TNS3: variants seen among roughly 807,000 people sequenced by gnomAD.
TNS3 encodes tensin-3.
A neutral mutation model predicts 140.9 loss-of-function variants in TNS3; 45 were observed. The ratio of observed to expected loss-of-function variants is 0.32; its 90% CI spans 0.25 to 0.41. The LOEUF is 0.41. Among genes scored for constraint, TNS3 ranks in the 10% least tolerant of loss-of-function variants. The pLI is 1.00. For missense variants in TNS3, 1,716 were observed against 1,906.7 expected (o/e 0.90, Z 1.86); for synonymous variants, 815 against 788.4 (o/e 1.03, Z -0.56).
intron 1 of TNS3, among the ~76,000 whole-genome samples, chr7:47,567,990 T>C (rs938202636): frequency 2.0e-5 from 3 of 152,110 alleles, no homozygotes; most frequent in African/African-American, 7.2e-5. Context: ...TCCAGCCCAA[T>C]GTGACATGCT....
intron 2 of TNS3, among the ~76,000 whole-genome samples, chr7:47,507,688 C>A (rs2151884282): frequency 6.6e-6 from 1 of 152,314 alleles, no homozygotes; most frequent in East Asian, 1.9e-4. Context: ...GAGGCATAAA[C>A]CTCCCCACGA....
At position 47,315,399 on chromosome 7, in the gene TNS3, G is replaced by A. The variant is rs569806599; in HGVS notation, c.2651-10396C>T. Among the ~76,000 whole-genome samples the A allele has an allele frequency of 7.1e-4, 108 of 152,326 alleles. 1 individual carries two copies. The South Asian group carries it at 0.01, about 15-fold the overall frequency. ...AGAACTTGGGAGGCGCGTGCCCGTC[G>A]TTCTGGGACTTCAGGAATGTCTATG... On this transcript the variant is annotated intron_variant, in intron 20 of 30. Transcript: ENST00000311160.
At chr7:47,410,270 G>A (rs1217070645) in intron 13 of TNS3, among the ~76,000 whole-genome samples, 4 of 152,208 alleles carry the variant, frequency 2.6e-5, no homozygotes, top group African/African-American at 9.6e-5. Flanking sequence ...TTCCAGCCCA[G>A]GTCCTCCTCC....
At chr7:47,411,905 C>A in intron 12 of TNS3, 103 bp from the exon 13 acceptor site, 1 of 1,033,460 alleles carries the variant, frequency 9.7e-7, no homozygotes. Context: ...TCAGAAATTA[C>A]ACAGAATGCC....
intron 1 of TNS3, among the ~76,000 whole-genome samples, chr7:47,561,358 T>C (rs1800316121): frequency 6.6e-6 from 1 of 152,176 alleles, no homozygotes; most frequent in South Asian, 2.1e-4. Flanking sequence ...GTGCAGGGTA[T>C]GCTGAGGACT....
chr7:47,433,121 T>C (rs1254294157), intron 8 of TNS3, among the ~76,000 whole-genome samples: 1 of 152,118 alleles, frequency 6.6e-6, no homozygotes, highest in African/African-American at 2.4e-5. Flanking sequence ...ACGGGAAGCA[T>C]AGGAGGACCG....
intron 23 of TNS3, 26 bp downstream of exon 23, chr7:47,302,160 A>T (rs1391970613): frequency 6.3e-7 from 1 of 1,582,108 alleles, no homozygotes; most frequent in South Asian, 1.1e-5. Flanking sequence ...CAGATGCCCA[A>T]GGAGGCCCTC....
intron 30 of TNS3, chr7:47,279,799 C>G (rs559972139): frequency 3.7e-6 from 1 of 273,036 alleles, no homozygotes; most frequent in African/African-American, 2.2e-5. Context: ...TTTGGAACAC[C>G]CGCTTCATCC....
intron 27 of TNS3, among the ~76,000 whole-genome samples, chr7:47,291,318 C>T (rs561658120): frequency 6.6e-6 from 1 of 152,248 alleles, no homozygotes; most frequent in African/African-American, 2.4e-5. Flanking sequence ...ACCTAAATAT[C>T]AAGTCCCTAA....
At chr7:47,291,843 G>C (rs1785722860) in intron 27 of TNS3, 112 bp downstream of exon 27, 1 of 1,198,246 alleles carries the variant, frequency 8.3e-7, no homozygotes, top group Admixed American at 2.3e-5. Context: ...CCTCCTTCAA[G>C]GCTCACAGAA....
chr7:47,322,422 T>G (rs1218328481), intron 20 of TNS3, among the ~76,000 whole-genome samples: 1 of 151,902 alleles, frequency 6.6e-6, no homozygotes, highest in African/African-American at 2.4e-5. Context: ...CTCAGGAGGA[T>G]GAAGCAGGAG....
At chr7:47,480,569 G>A (rs1245447434) in intron 4 of TNS3, among the ~76,000 whole-genome samples, 1 of 152,194 alleles carries the variant, frequency 6.6e-6, no homozygotes, top group East Asian at 1.9e-4. Flanking sequence ...ACCTTCCAAG[G>A]AGCTGCATTT....
intron 24 of TNS3, among the ~76,000 whole-genome samples, chr7:47,296,532 A>G (rs1781313385): frequency 6.6e-6 from 1 of 152,220 alleles, no homozygotes; most frequent in East Asian, 1.9e-4. Context: ...CATGATTTTT[A>G]ATGCAAAAAG....
chr7:47,392,479 C>T (rs898094392), intron 16 of TNS3, among the ~76,000 whole-genome samples: 4 of 152,006 alleles, frequency 2.6e-5, no homozygotes, highest in East Asian at 1.9e-4. Flanking sequence ...AACCAGGCGG[C>T]GGGGGGATAG....
At chr7:47,323,044 C>G (rs1228057932) in intron 20 of TNS3, among the ~76,000 whole-genome samples, 1 of 152,204 alleles carries the variant, frequency 6.6e-6, no homozygotes, top group African/African-American at 2.4e-5. Context: ...AGCCCACCTG[C>G]AGCTCTGCAC....
chr7:47,400,350 C>T, intron 15 of TNS3, 43 bp downstream of exon 15: 2 of 1,556,202 alleles, frequency 1.3e-6, no homozygotes, highest in Non-Finnish European at 1.8e-6. Context: ...CACCTTTCAC[C>T]AGTGTCAGCA....
At position 47,278,025 on chromosome 7, in the gene TNS3, G is replaced by C; in HGVS notation, c.*51C>G. 1 of 1,613,020 alleles carries C rather than the reference G, an allele frequency of 6.2e-7. No homozygotes were observed. Among genetic ancestry groups the C allele is most frequent in the South Asian group, 1.1e-5 (1 of 90,856 alleles). ...GGGGCCCCACCCTCACCCAACGGCTGTCTCCAGGGCTTCGAGAGGCATCGG... is the reference window on the plus strand; with the variant it reads ...GGGGCCCCACCCTCACCCAACGGCTCTCTCCAGGGCTTCGAGAGGCATCGG... On this transcript the variant is annotated 3_prime_UTR_variant, in exon 31 of 31. Coordinates refer to ENST00000311160, the MANE Select transcript of TNS3 (RefSeq NM_022748.12).
intron 4 of TNS3, among the ~76,000 whole-genome samples, chr7:47,476,970 C>T (rs746533271): frequency 5.9e-5 from 9 of 152,202 alleles, no homozygotes; most frequent in African/African-American, 9.6e-5. Flanking sequence ...AATATGAAAA[C>T]GAACATCACA....
intron 2 of TNS3, among the ~76,000 whole-genome samples, chr7:47,520,350 A>C (rs141590746): frequency 1.3e-3 from 202 of 152,294 alleles, no homozygotes; most frequent in African/African-American, 4.3e-3. Flanking sequence ...CCCACAACTT[A>C]ACATAAAATT....
Sources: allele counts gnomAD v4.1 joint callset (sites outside exome capture counted in the v4.1 genomes callset), GRCh38; gene constraint gnomAD v4.1.1; transcripts MANE v1.5; gene names NCBI Gene and HGNC (gene_info 2026-07-23, HGNC 2026-07-21).